LHFPL2: variants seen among roughly 807,000 people sequenced by gnomAD.
LHFPL2 encodes the protein LHFPL tetraspan subfamily member 2 protein.
Under a neutral mutation model 17.5 loss-of-function variants are expected in LHFPL2, and 7 were observed. That is an observed-to-expected ratio of 0.40 (90% confidence interval 0.23 to 0.75). The LOEUF (loss-of-function observed/expected upper bound fraction) is 0.75, where lower values mean the gene tolerates loss of function less well. LHFPL2 is among the 30% of genes least tolerant of loss of function. The pLI is 0.37. For synonymous variants in LHFPL2, 134 were observed against 116.2 expected (o/e 1.15, Z -0.99); for missense variants, 241 against 294.8 (o/e 0.82, Z 1.34).
intron 3 of LHFPL2, among the ~76,000 whole-genome samples, chr5:78,558,307 T>A (rs1336224188): frequency 6.6e-6 from 1 of 152,276 alleles, no homozygotes; most frequent in African/African-American, 2.4e-5. Flanking sequence ...CGCTCATTCA[T>A]CTGAGTTCAA....
chr5:78,593,204 G>A (rs1743705572), intron 2 of LHFPL2, among the ~76,000 whole-genome samples: 1 of 152,016 alleles, frequency 6.6e-6, no homozygotes, highest in African/African-American at 2.4e-5. Context: ...CTTTTCCCGG[G>A]GAGCAGACAC....
intron 3 of LHFPL2, among the ~76,000 whole-genome samples, chr5:78,562,414 T>C (rs1347021133): frequency 6.6e-6 from 1 of 152,066 alleles, no homozygotes; most frequent in Non-Finnish European, 1.5e-5. Flanking sequence ...GTTCATATAA[T>C]GCGACTGACT....
At chr5:78,529,281 A>G (rs1327404496) in intron 3 of LHFPL2, among the ~76,000 whole-genome samples, 2 of 152,168 alleles carry the variant, frequency 1.3e-5, no homozygotes, top group African/African-American at 2.4e-5. Flanking sequence ...GTGAGGACCT[A>G]TTTCTAAATA....
At chr5:78,491,572 T>C (rs1281442570) in intron 4 of LHFPL2, among the ~76,000 whole-genome samples, 6 of 152,306 alleles carry the variant, frequency 3.9e-5, no homozygotes, top group African/African-American at 1.4e-4. Context: ...ACCAGAAATA[T>C]GGTGGACCAC....
intron 2 of LHFPL2, among the ~76,000 whole-genome samples, chr5:78,582,204 T>C (rs1743173701): frequency 1.3e-5 from 2 of 152,312 alleles, no homozygotes; most frequent in African/African-American, 4.8e-5. Context: ...TGCTAGCAGT[T>C]TATCAATTTT....
intron 2 of LHFPL2, among the ~76,000 whole-genome samples, chr5:78,605,707 T>TTGGTCTA (rs2112478935): frequency 6.6e-6 from 1 of 152,252 alleles, no homozygotes; most frequent in Non-Finnish European, 1.5e-5. Flanking sequence ...ATCACAAAAT[T>TTGGTCTA]TCACTCAAGC....
chr5:78,530,852 G>A (rs1755762925), intron 3 of LHFPL2, among the ~76,000 whole-genome samples: 1 of 152,202 alleles, frequency 6.6e-6, no homozygotes, highest in Admixed American at 6.5e-5. Flanking sequence ...CATAGCCCCT[G>A]CCTTGACAAC....
intron 1 of LHFPL2, among the ~76,000 whole-genome samples, chr5:78,639,461 G>C (rs149076182): frequency 6.6e-6 from 1 of 152,264 alleles, no homozygotes; most frequent in African/African-American, 2.4e-5. Flanking sequence ...ACTATGCTAC[G>C]AATTACAGCA....
chr5:78,537,713 G>A (rs563867764), intron 3 of LHFPL2, among the ~76,000 whole-genome samples: 4 of 152,272 alleles, frequency 2.6e-5, no homozygotes, highest in East Asian at 3.9e-4. Context: ...AAAATGTAAC[G>A]GAAAGAAGGG....
chr5:78,614,717 T>G (rs940760018), intron 2 of LHFPL2, among the ~76,000 whole-genome samples: 1 of 152,014 alleles, frequency 6.6e-6, no homozygotes, highest in Admixed American at 6.5e-5. Context: ...ACTAAAAAAT[T>G]TAGAAAAAAA....
chr5:78,525,305 AAT>A (rs1169477684), intron 3 of LHFPL2, among the ~76,000 whole-genome samples: 1 of 152,214 alleles, frequency 6.6e-6, no homozygotes, highest in East Asian at 1.9e-4. Flanking sequence ...CCAGCTATAA[AAT>A]GAGGATATCT....
rs543659054 is a variant in LHFPL2 at position 78,638,233 on chromosome 5, T to C, written c.-349-5865A>G. 1.4e-3 allele frequency among the ~76,000 whole-genome samples: 219 copies of C among 152,232 alleles called. 1 individual carries two copies. Among genetic ancestry groups the C allele is most frequent in the African/African-American group, 5.0e-3 (208 of 41,548 alleles). On this transcript the variant is annotated intron_variant, in intron 1 of 4. Coordinates refer to ENST00000380345, the MANE Select transcript of LHFPL2 (RefSeq NM_005779.3). The stretch of plus-strand genomic sequence containing the variant: ...AGCCAGGCATGGTAGCAGGCGCCTG[T>C]AGTCCCAGCTATTCGGGAGGCTGAG...
intron 2 of LHFPL2, among the ~76,000 whole-genome samples, chr5:78,631,182 A>T (rs1745232070): frequency 6.6e-6 from 1 of 152,248 alleles, no homozygotes; most frequent in Non-Finnish European, 1.5e-5. Context: ...CAGGTTGCCC[A>T]TTGGGAAAGT....
rs572155375 is a variant in LHFPL2 at position 78,638,147 on chromosome 5, G to A, written c.-349-5779C>T. 2.5e-3 allele frequency among the ~76,000 whole-genome samples: 374 copies of A among 152,300 alleles called. 2 individuals are homozygous for A. The highest frequency in any genetic ancestry group is 8.5e-3 in the African/African-American group (353 of 41,562). ...AGGCAGGTGGATCACGAGGTCAGGA[G>A]ATTGAGACCATCCTGGCTAACATGG... On this transcript the variant is annotated intron_variant, in intron 1 of 4. Transcript: ENST00000380345.
chr5:78,641,847 G>C (rs766250587), intron 1 of LHFPL2, among the ~76,000 whole-genome samples: 2 of 151,192 alleles, frequency 1.3e-5, no homozygotes, highest in Non-Finnish European at 2.9e-5. Flanking sequence ...TTCTCAGCAA[G>C]TGAAGTTCAT....
At chr5:78,630,637 G>A (rs1415728570) in intron 2 of LHFPL2, among the ~76,000 whole-genome samples, 1 of 151,964 alleles carries the variant, frequency 6.6e-6, no homozygotes, top group African/African-American at 2.4e-5. Flanking sequence ...GCACCAAGCA[G>A]AAGAAACCAC....
intron 1 of LHFPL2, chr5:78,641,906 TACACACACACACACACACACAC>T (rs35776632): frequency 9.3e-6 from 1 of 107,690 alleles, no homozygotes; most frequent in Non-Finnish European, 1.8e-5. Context: ...ATGTACAGTA[TACACACACACACACACACACAC>T]ACACACACAC....
chr5:78,524,742 CAAAAAAAA>C (rs34179854), intron 3 of LHFPL2, among the ~76,000 whole-genome samples: 4 of 117,784 alleles, frequency 3.4e-5, no homozygotes, highest in Non-Finnish European at 6.9e-5. Context: ...ACCCTGTTCT[CAAAAAAAA>C]AAAAAAAAAA....
chr5:78,489,564 T>C (rs6453396), intron 4 of LHFPL2, among the ~76,000 whole-genome samples: 124,695 of 152,112 alleles, frequency 0.82, 51,776 homozygotes, highest in East Asian at 0.92. Flanking sequence ...CCACCACACC[T>C]GGCTAAGTTT....
Sources: allele counts gnomAD v4.1 joint callset (sites outside exome capture counted in the v4.1 genomes callset), GRCh38; gene constraint gnomAD v4.1.1; transcripts MANE v1.5; gene names NCBI Gene and HGNC (gene_info 2026-07-23, HGNC 2026-07-21).